SMURF2: variants seen among roughly 807,000 people sequenced by gnomAD.
SMURF2 encodes SMAD specific E3 ubiquitin protein ligase 2.
In SMURF2, 48 loss-of-function variants were observed where a neutral mutation model predicts 109.6. The ratio of observed to expected loss-of-function variants is 0.44; its 90% CI spans 0.35 to 0.56. The LOEUF (loss-of-function observed/expected upper bound fraction) is 0.56. Among genes scored for constraint, SMURF2 ranks in the 20% least tolerant of loss-of-function variants. The pLI is 0.01. For synonymous variants in SMURF2, 288 were observed against 317.1 expected (o/e 0.91, Z 0.97); for missense variants, 575 against 909.0 (o/e 0.63, Z 4.72).
chr17:64,623,123 T>A (rs1050552399), intron 1 of SMURF2, among the ~76,000 whole-genome samples: 5 of 152,088 alleles, frequency 3.3e-5, no homozygotes, highest in Non-Finnish European at 7.4e-5. Context: ...TCTAGGCTCA[T>A]TTAAGTTCCC....
rs570288863 is a variant in SMURF2, at chr17:64,556,757, G to A, written c.1432-759C>T. 3.9e-5 allele frequency among the ~76,000 whole-genome samples: 6 copies of A among 152,160 alleles called. No homozygotes were observed. In the South Asian group the frequency reaches 8.3e-4, roughly 21 times the overall value. On this transcript the variant is annotated intron_variant, in intron 13 of 18. Coordinates refer to ENST00000262435, the MANE Select transcript of SMURF2 (RefSeq NM_022739.4). ...CCCTTTTATATATATTTGGTCTTTC[G>A]TCACAGATTGTTTTGTTAGATGTTT...
At chr17:64,587,443 A>T (rs1310419707) in intron 5 of SMURF2, among the ~76,000 whole-genome samples, 3 of 152,182 alleles carry the variant, frequency 2.0e-5, no homozygotes, top group Non-Finnish European at 4.4e-5. Context: ...ATAATGAAAA[A>T]GTTACGTTAA....
chr17:64,620,372 T>C (rs1970185536), intron 1 of SMURF2, among the ~76,000 whole-genome samples: 1 of 151,998 alleles, frequency 6.6e-6, no homozygotes, highest in South Asian at 2.1e-4. Flanking sequence ...AGGAAAAGAG[T>C]TTAGGCATTG....
At chr17:64,548,441 G>A (rs1968991217) in intron 16 of SMURF2, among the ~76,000 whole-genome samples, 1 of 152,042 alleles carries the variant, frequency 6.6e-6, no homozygotes, top group African/African-American at 2.4e-5. Context: ...AGGCTGGAGT[G>A]CAGTGGCATG....
At chr17:64,606,736 A>T in intron 1 of SMURF2, 96 bp from the exon 2 acceptor site, 1 of 849,240 alleles carries the variant, frequency 1.2e-6, no homozygotes, top group South Asian at 1.7e-5. Context: ...GTGAATAGTT[A>T]AACCCTAACT....
chr17:64,555,126 C>G, intron 14 of SMURF2, 133 bp from the exon 15 acceptor site: 2 of 801,656 alleles, frequency 2.5e-6, no homozygotes, highest in Non-Finnish European at 3.8e-6. Context: ...TGCTTCCATA[C>G]CACCTAGTTC....
intron 12 of SMURF2, among the ~76,000 whole-genome samples, chr17:64,558,335 G>T (rs750914985): frequency 1.3e-5 from 2 of 151,922 alleles, no homozygotes; most frequent in Non-Finnish European, 2.9e-5. Flanking sequence ...GGAGGTTGAG[G>T]CTGCAGTGAG....
At chr17:64,661,304 G>A (rs892803132) in intron 1 of SMURF2, among the ~76,000 whole-genome samples, 1 of 152,132 alleles carries the variant, frequency 6.6e-6, no homozygotes, top group African/African-American at 2.4e-5. Context: ...GGCAGCGGTG[G>A]CCGGCGGCGG....
intron 1 of SMURF2, among the ~76,000 whole-genome samples, chr17:64,618,859 T>C (rs1332846751): frequency 6.6e-6 from 1 of 152,198 alleles, no homozygotes; most frequent in African/African-American, 2.4e-5. Context: ...CAGTGTAATA[T>C]AGTGTGTTAA....
At chr17:64,559,740 C>T (rs1163078506) in intron 12 of SMURF2, among the ~76,000 whole-genome samples, 3 of 141,516 alleles carry the variant, frequency 2.1e-5, no homozygotes, top group Non-Finnish European at 4.6e-5. Context: ...CTGTTTCTAC[C>T]AAAAAAAAAA....
At chr17:64,548,055 A>T (rs940488396) in intron 16 of SMURF2, among the ~76,000 whole-genome samples, 3 of 152,144 alleles carry the variant, frequency 2.0e-5, no homozygotes, top group African/African-American at 7.2e-5. Flanking sequence ...CTCACTGCAA[A>T]CTCCCTCTCC....
intron 10 of SMURF2, among the ~76,000 whole-genome samples, chr17:64,563,534 T>C (rs1001029641): frequency 6.6e-6 from 1 of 152,236 alleles, no homozygotes; most frequent in Non-Finnish European, 1.5e-5. Flanking sequence ...ACCGTGTACA[T>C]AAATGCATTC....
At chr17:64,631,944 A>G (rs568669312) in intron 1 of SMURF2, among the ~76,000 whole-genome samples, 4 of 93,470 alleles carry the variant, frequency 4.3e-5, no homozygotes, top group Non-Finnish European at 8.1e-5. Flanking sequence ...GTATTATTCT[A>G]AGACTCTCTT....
intron 1 of SMURF2, among the ~76,000 whole-genome samples, chr17:64,632,691 TTC>T (rs1248104739): frequency 3.9e-5 from 6 of 152,344 alleles, no homozygotes; most frequent in Admixed American, 3.3e-4. Flanking sequence ...GCCTCCAGAC[TTC>T]TGTCAAGAGA....
rs141573244 is a variant in SMURF2, at chr17:64,555,900, C to T, written c.1530G>A (p.Lys510=). The T allele has an allele frequency of 2.5e-6, 4 of 1,613,418 alleles. No homozygotes were observed. The African/African-American group carries it at 4.0e-5, about 16-fold the overall frequency. The change falls in exon 14 of 19, where the codon AAG becomes AAA. Residue 510 remains lysine, a synonymous_variant. Coordinates refer to ENST00000262435, the MANE Select transcript of SMURF2 (RefSeq NM_022739.4). ...AGGTAATTGACTTCCCAAGCAATTG[C>T]TTATAAAAAGGCAATGTGAAACCAC... The part of the protein sequence containing the change: ...IDGGFTLPFY[K]QLLGKSITLD...
chr17:64,604,891 C>T (rs573083319), intron 2 of SMURF2, among the ~76,000 whole-genome samples: 9 of 151,756 alleles, frequency 5.9e-5, no homozygotes, highest in African/African-American at 2.2e-4. Flanking sequence ...TTGCAGTGAG[C>T]CGAGATCACA....
chr17:64,583,412 C>T (rs782403076), intron 7 of SMURF2, 49 bp downstream of exon 7: 2 of 1,470,562 alleles, frequency 1.4e-6, no homozygotes, highest in Admixed American at 1.7e-5. Context: ...AAAAGGACTT[C>T]AGGAGGGTGG....
chr17:64,573,151 A>AGGAGGAGGG (rs1969427046), intron 9 of SMURF2: 1 of 33,192 alleles, frequency 3.0e-5, no homozygotes, highest in Non-Finnish European at 4.9e-5. Flanking sequence ...GAGGAGGAGG[A>AGGAGGAGGG]GGAGGAGGAG....
At chr17:64,603,402 T>G (rs1368220823) in intron 2 of SMURF2, among the ~76,000 whole-genome samples, 1 of 151,734 alleles carries the variant, frequency 6.6e-6, no homozygotes, top group African/African-American at 2.4e-5. Flanking sequence ...GCCAACATGG[T>G]GAAACCCCGT....
Sources: gnomAD v4.1 joint callset for allele counts (sites outside exome capture counted in the v4.1 genomes callset) on GRCh38, gnomAD v4.1.1 for gene constraint, MANE v1.5 for transcripts, NCBI Gene and HGNC (gene_info 2026-07-23, HGNC 2026-07-21) for gene names.